Variants in CDH13 observed in about 807,000 individuals in gnomAD.
The protein encoded by CDH13 is cadherin-13.
A neutral mutation model predicts 63.8 loss-of-function variants in CDH13; 24 were observed. The observed-to-expected ratio is 0.38, with a 90% confidence interval of 0.27 to 0.53. CDH13 has a LOEUF of 0.53. Ranked by LOEUF, CDH13 falls within the 20% of genes least tolerant of loss-of-function variation. The pLI is 0.85. For missense variants in CDH13, 1,049 were observed against 903.1 expected (o/e 1.16, Z -2.07); for synonymous variants, 503 against 355.3 (o/e 1.42, Z -4.67).
chr16:83,176,355 CAA>C (rs1428001151), intron 4 of CDH13, among the ~76,000 whole-genome samples: 1 of 151,138 alleles, frequency 6.6e-6, no homozygotes, highest in Non-Finnish European at 1.5e-5. Context: ...TCTAAAAATA[CAA>C]AAATTAGCCT....
chr16:82,704,775 C>G (rs959969673), intron 1 of CDH13, among the ~76,000 whole-genome samples: 3 of 152,218 alleles, frequency 2.0e-5, no homozygotes, highest in Non-Finnish European at 2.9e-5. Context: ...TTAATTTCCC[C>G]AAGCCTCAGT....
At chr16:83,333,807 G>A (rs1567598824) in intron 5 of CDH13, among the ~76,000 whole-genome samples, 1 of 152,064 alleles carries the variant, frequency 6.6e-6, no homozygotes, top group South Asian at 2.1e-4. Context: ...CTGTTGTTTC[G>A]GCTTCATTGT....
In CDH13 at chr16:82,740,385, A is replaced by G. The variant is rs1393269223; in HGVS notation, c.45+113248A>G. ...CAAATTGTATTATCCCACTTTCCAG[A>G]TAATGTACAGCGTATTAGCCCAACC... On this transcript the variant is annotated intron_variant, in intron 1 of 13. Transcript: ENST00000567109. Among the ~76,000 whole-genome samples the G allele has an allele frequency of 3.3e-5, 5 of 152,336 alleles. No individual in the cohort carries two copies. The South Asian group carries it at 1.0e-3, about 32-fold the overall frequency.
At chr16:83,793,710 G>A (rs1916420333) in intron 13 of CDH13, among the ~76,000 whole-genome samples, 1 of 152,022 alleles carries the variant, frequency 6.6e-6, no homozygotes, top group Non-Finnish European at 1.5e-5. Context: ...TACTCAGGAG[G>A]CTGAGGCAAA....
intron 4 of CDH13, among the ~76,000 whole-genome samples, chr16:83,155,107 C>G (rs1471396673): frequency 6.6e-6 from 1 of 152,198 alleles, no homozygotes; most frequent in African/African-American, 2.4e-5. Context: ...ATTTCATTTA[C>G]TATTAGAGAA....
intron 2 of CDH13, among the ~76,000 whole-genome samples, chr16:82,994,091 C>CT (rs1284822192): frequency 6.6e-6 from 1 of 152,188 alleles, no homozygotes; most frequent in African/African-American, 2.4e-5. Flanking sequence ...CACCCTCCAT[C>CT]TAATTACCCA....
intron 3 of CDH13, among the ~76,000 whole-genome samples, chr16:83,107,459 A>G (rs889281541): frequency 2.0e-5 from 3 of 152,244 alleles, no homozygotes; most frequent in Admixed American, 2.0e-4. Context: ...AGATTGACAC[A>G]CTATCTTCCA....
chr16:83,425,897 C>T (rs765907706), intron 6 of CDH13, among the ~76,000 whole-genome samples: 3 of 152,116 alleles, frequency 2.0e-5, no homozygotes, highest in Non-Finnish European at 4.4e-5. Flanking sequence ...CTAGGCACTA[C>T]AGATACAGCA....
rs567548966 is a variant in CDH13 at position 82,648,452 on chromosome 16, A to G, written c.45+21315A>G. ...CAAATGAAAACAGGTTAGGCAGCTC[A>G]ATAGAATATTACATAACCATTAAAG... On this transcript the variant is annotated intron_variant, in intron 1 of 13. Transcript: ENST00000567109. Among the ~76,000 whole-genome samples the G allele has an allele frequency of 7.9e-5, 12 of 152,346 alleles. No homozygotes were observed. In the East Asian group the frequency reaches 2.1e-3, roughly 27 times the overall value.
chr16:83,602,389 C>T (rs1246966855), intron 7 of CDH13, 65 bp from the exon 8 acceptor site: 8 of 1,557,364 alleles, frequency 5.1e-6, no homozygotes, highest in African/African-American at 1.4e-5. Flanking sequence ...ACACGCCTGC[C>T]ACCTTTCCAA....
At chr16:82,845,937 G>T (rs1420028597) in intron 1 of CDH13, among the ~76,000 whole-genome samples, 1 of 152,062 alleles carries the variant, frequency 6.6e-6, no homozygotes, top group Non-Finnish European at 1.5e-5. Context: ...GCTTAATCCT[G>T]GAATCTTAAT....
At chr16:83,220,293 TA>T (rs1212298496) in intron 5 of CDH13, among the ~76,000 whole-genome samples, 22 of 152,238 alleles carry the variant, frequency 1.4e-4, no homozygotes, top group African/African-American at 4.8e-4. Context: ...AGAACTGGGT[TA>T]CTCTCATGTT....
intron 6 of CDH13, among the ~76,000 whole-genome samples, chr16:83,429,987 C>A (rs1228047765): frequency 6.6e-6 from 1 of 152,188 alleles, no homozygotes; most frequent in Admixed American, 6.5e-5. Flanking sequence ...CCATTCCCCT[C>A]TTTGAGTCTA....
At chr16:83,269,471 C>G (rs908445976) in intron 5 of CDH13, among the ~76,000 whole-genome samples, 1 of 152,108 alleles carries the variant, frequency 6.6e-6, no homozygotes, top group South Asian at 2.1e-4. Context: ...AAGATGCAGT[C>G]TGTTGGCAGA....
intron 13 of CDH13, among the ~76,000 whole-genome samples, chr16:83,791,806 G>T (rs1916284007): frequency 2.8e-5 from 2 of 72,030 alleles, no homozygotes; most frequent in African/African-American, 5.9e-5. Context: ...GCAAGACTTT[G>T]TCTCCAAAAA....
At chr16:83,455,614 A>T (rs542847493) in intron 6 of CDH13, among the ~76,000 whole-genome samples, 1 of 152,008 alleles carries the variant, frequency 6.6e-6, no homozygotes, top group African/African-American at 2.4e-5. Flanking sequence ...GTTTTCCTCA[A>T]AGGCTTTCTG....
chr16:83,209,415 G>A (rs777531789), intron 4 of CDH13, among the ~76,000 whole-genome samples: 1 of 152,126 alleles, frequency 6.6e-6, no homozygotes, highest in African/African-American at 2.4e-5. Context: ...CATTTTCAGG[G>A]TATGCATAAG....
At chr16:83,219,660 C>T (rs576385647) in intron 5 of CDH13, among the ~76,000 whole-genome samples, 67 of 152,254 alleles carry the variant, frequency 4.4e-4, no homozygotes, top group African/African-American at 1.5e-3. Context: ...CTCTCATGTC[C>T]AGCACAAACT....
At chr16:83,155,104 T>G (rs1030704127) in intron 4 of CDH13, among the ~76,000 whole-genome samples, 2 of 152,214 alleles carry the variant, frequency 1.3e-5, no homozygotes, top group African/African-American at 2.4e-5. Context: ...TTTATTTCAT[T>G]TACTATTAGA....
Sources: allele counts gnomAD v4.1 joint callset (sites outside exome capture counted in the v4.1 genomes callset), GRCh38; gene constraint gnomAD v4.1.1; transcripts MANE v1.5; gene names NCBI Gene and HGNC (gene_info 2026-07-23, HGNC 2026-07-21).